KCTD16: variants seen among roughly 807,000 people sequenced by gnomAD.
The protein encoded by KCTD16 is potassium channel tetramerization domain containing 16, also known as BTB/POZ domain-containing protein KCTD16.
In KCTD16, 13 loss-of-function variants were observed where a neutral mutation model predicts 33.2. The observed-to-expected ratio is 0.39, with a 90% CI of 0.25 to 0.62. The LOEUF is 0.62. KCTD16 is among the 20% of genes least tolerant of loss of function. The probability of loss-of-function intolerance (pLI) is 0.50; values close to 1 mark genes in which losing one functional copy is unlikely to be tolerated. For synonymous variants in KCTD16, 197 were observed against 195.3 expected (o/e 1.01, Z -0.07); for missense variants, 441 against 525.1 (o/e 0.84, Z 1.57).
chr5:144,457,171 C>A (rs1451573348), intron 3 of KCTD16, among the ~76,000 whole-genome samples: 1 of 152,224 alleles, frequency 6.6e-6, no homozygotes, highest in African/African-American at 2.4e-5. Flanking sequence ...CATTTATTTG[C>A]TCCCTCCAAT....
intron 3 of KCTD16, among the ~76,000 whole-genome samples, chr5:144,253,929 G>A (rs1335942241): frequency 6.6e-6 from 1 of 152,024 alleles, no homozygotes; most frequent in Non-Finnish European, 1.5e-5. Flanking sequence ...TTTTCCAGGG[G>A]TAAAAAATAA....
intron 3 of KCTD16, among the ~76,000 whole-genome samples, chr5:144,413,712 C>G (rs776690836): frequency 2.0e-5 from 3 of 152,090 alleles, no homozygotes; most frequent in Non-Finnish European, 4.4e-5. Flanking sequence ...CATCATATCT[C>G]CGTGGTCAGG....
intron 3 of KCTD16, among the ~76,000 whole-genome samples, chr5:144,458,661 AT>A (rs1300285991): frequency 6.6e-6 from 1 of 152,238 alleles, no homozygotes; most frequent in Admixed American, 6.5e-5. Flanking sequence ...AGACTCTCAA[AT>A]AAAAACCTAA....
intron 3 of KCTD16, among the ~76,000 whole-genome samples, chr5:144,220,601 C>T (rs149757693): frequency 1.7e-4 from 26 of 152,044 alleles, no homozygotes; most frequent in Non-Finnish European, 3.1e-4. Flanking sequence ...TACACACTTA[C>T]TATATACATG....
At position 144,334,049 on chromosome 5, in the gene KCTD16, C is replaced by T. The variant is rs138951726; in HGVS notation, c.832+126503C>T. Among the ~76,000 whole-genome samples, 29 of 152,236 alleles carry T rather than the reference C, an allele frequency of 1.9e-4. No individual in the cohort carries two copies. In the Middle Eastern group the frequency reaches 0.01, roughly 54 times the overall value. On this transcript the variant is annotated intron_variant, in intron 3 of 3. Coordinates refer to ENST00000512467, the MANE Select transcript of KCTD16 (RefSeq NM_020768.4). ...ACTAAACATACAACTCAGCTTGAAA[C>T]CAGAGTATATTTGCCTTAGAAAGCT...
intron 3 of KCTD16, among the ~76,000 whole-genome samples, chr5:144,466,278 T>G: frequency 6.9e-6 from 1 of 145,664 alleles, no homozygotes; most frequent in Non-Finnish European, 1.5e-5. Context: ...AAGTGCACAC[T>G]TCACACACTG....
chr5:144,253,335 G>A (rs1204235821), intron 3 of KCTD16, among the ~76,000 whole-genome samples: 1 of 152,136 alleles, frequency 6.6e-6, no homozygotes, highest in Non-Finnish European at 1.5e-5. Flanking sequence ...CTTCTATTAT[G>A]AAAATTCTCA....
intron 3 of KCTD16, among the ~76,000 whole-genome samples, chr5:144,462,733 C>T (rs1005402380): frequency 1.3e-5 from 2 of 152,020 alleles, no homozygotes; most frequent in African/African-American, 2.4e-5. Context: ...CCACAATGAC[C>T]ATGCTATTTA....
intron 3 of KCTD16, among the ~76,000 whole-genome samples, chr5:144,428,574 T>C (rs1052405030): frequency 6.6e-6 from 1 of 152,214 alleles, no homozygotes; most frequent in South Asian, 2.1e-4. Flanking sequence ...AATTGTCATT[T>C]TACAAGGATT....
intron 3 of KCTD16, among the ~76,000 whole-genome samples, chr5:144,320,093 T>C (rs1401175756): frequency 6.6e-6 from 1 of 152,142 alleles, no homozygotes; most frequent in Non-Finnish European, 1.5e-5. Context: ...TAAATATTGA[T>C]TAAGTCTCAC....
Position 144,248,069 on chromosome 5 carries a change from C to T in KCTD16, c.832+40523C>T, listed in dbSNP as rs560069907. ...GCAATGACTGAGACAGATAACCTTG[C>T]CCTTATGGAGCTTTCTTTCCATTTT... is the stretch of plus-strand genomic sequence containing the variant. On this transcript the variant is annotated intron_variant, in intron 3 of 3. Coordinates refer to ENST00000512467, the MANE Select transcript of KCTD16 (RefSeq NM_020768.4). Among the ~76,000 whole-genome samples the T allele has an allele frequency of 3.9e-5, 6 of 152,290 alleles. No homozygotes were observed. In the South Asian group the frequency reaches 1.2e-3, roughly 32 times the overall value.
chr5:144,338,274 A>G (rs1315571947), intron 3 of KCTD16, among the ~76,000 whole-genome samples: 1 of 152,190 alleles, frequency 6.6e-6, no homozygotes, highest in Non-Finnish European at 1.5e-5. Context: ...GGGATAAAAT[A>G]TAAATATGCA....
At chr5:144,265,513 A>G (rs2126842442) in intron 3 of KCTD16, among the ~76,000 whole-genome samples, 1 of 152,354 alleles carries the variant, frequency 6.6e-6, no homozygotes, top group African/African-American at 2.4e-5. Flanking sequence ...TCTTGAAACA[A>G]ACTCCTGCCC....
chr5:144,209,808 A>G (rs1382601475), intron 3 of KCTD16, among the ~76,000 whole-genome samples: 1 of 143,094 alleles, frequency 7.0e-6, no homozygotes, highest in Non-Finnish European at 1.5e-5. Flanking sequence ...ATATATATTT[A>G]TATGTGTGTA....
chr5:144,417,385 T>A (rs1753083237), intron 3 of KCTD16, among the ~76,000 whole-genome samples: 1 of 152,162 alleles, frequency 6.6e-6, no homozygotes, highest in South Asian at 2.1e-4. Flanking sequence ...ATCAGGCATC[T>A]TTTTATGTGT....
At chr5:144,195,982 C>T (rs1347398211) in intron 2 of KCTD16, among the ~76,000 whole-genome samples, 1 of 152,114 alleles carries the variant, frequency 6.6e-6, no homozygotes, top group Non-Finnish European at 1.5e-5. Flanking sequence ...GAGTGTTTTC[C>T]CCTATTGGAT....
At chr5:144,404,605 A>C (rs1034886521) in intron 3 of KCTD16, among the ~76,000 whole-genome samples, 27 of 152,174 alleles carry the variant, frequency 1.8e-4, no homozygotes, top group African/African-American at 6.3e-4. Context: ...AAAAGCAGAA[A>C]TATATAATTA....
intron 3 of KCTD16, among the ~76,000 whole-genome samples, chr5:144,375,800 C>A (rs1752078097): frequency 2.6e-5 from 4 of 152,064 alleles, no homozygotes; most frequent in African/African-American, 9.7e-5. Context: ...TCCCTTCCTT[C>A]CCTGCCTCCC....
chr5:144,365,453 T>C (rs952197463), intron 3 of KCTD16, among the ~76,000 whole-genome samples: 2 of 152,136 alleles, frequency 1.3e-5, no homozygotes, highest in African/African-American at 4.8e-5. Flanking sequence ...AGAGAGACGG[T>C]TGTAAACTAA....
Sources: allele counts gnomAD v4.1 joint callset (sites outside exome capture counted in the v4.1 genomes callset), GRCh38; gene constraint gnomAD v4.1.1; transcripts MANE v1.5; gene names NCBI Gene and HGNC (gene_info 2026-07-23, HGNC 2026-07-21).